SLC26A1: variants seen among roughly 807,000 people sequenced by gnomAD.
The protein encoded by SLC26A1 is solute carrier family 26 member 1.
SLC26A1 carries 18 observed loss-of-function variants against 14.5 expected under a neutral mutation model. The observed-to-expected ratio is 1.24, with a 90% CI of 0.86 to 1.84. SLC26A1 has a LOEUF of 1.84. SLC26A1 is among the 40% of genes most tolerant of loss of function. The pLI is 0.00. For missense variants in SLC26A1, 1,049 were observed against 1,020.0 expected (o/e 1.03, Z -0.39); for synonymous variants, 505 against 492.0 (o/e 1.03, Z -0.35).
chr4:991,815 G>T (rs139770304), intron 1 of SLC26A1, 85 bp from the exon 2 acceptor site: 2 of 1,533,508 alleles, frequency 1.3e-6, no homozygotes. Flanking sequence ...GGGCCCCTTG[G>T]GGCGGACCCC....
intron 2 of SLC26A1, among the ~76,000 whole-genome samples, chr4:982,615 T>G (rs1190456052): frequency 6.6e-6 from 1 of 152,216 alleles, no homozygotes; most frequent in South Asian, 2.1e-4. Flanking sequence ...ACCAGTGGCT[T>G]CTTCCCCACG....
intron 2 of SLC26A1, 71 bp downstream of exon 2, chr4:991,057 C>A: frequency 7.0e-7 from 1 of 1,429,124 alleles, no homozygotes; most frequent in Non-Finnish European, 9.3e-7. Context: ...CCCAGCCTTG[C>A]CCTCGTGGAT....
chr4:983,118 TC>T (rs1713596653), downstream of SLC26A1, among the ~76,000 whole-genome samples: 1 of 152,198 alleles, frequency 6.6e-6, no homozygotes, highest in Non-Finnish European at 1.5e-5. Flanking sequence ...AAATCCTAAT[TC>T]CCCAGAAATA....
In SLC26A1 at chr4:991,636, G is replaced by A; in HGVS notation, c.68C>T (p.Ala23Val). 6.4e-7 allele frequency: 1 copy of A among 1,562,662 alleles called. No individual in the cohort carries two copies. The highest frequency in any genetic ancestry group is 8.6e-7 in the Non-Finnish European group (1 of 1,160,828). ...CAGCATCTCACGCAGACCCCGGGGTGCTGGGCGCTGCCGTCGGACCGGCAC... is the reference window on the plus strand; with the variant it reads ...CAGCATCTCACGCAGACCCCGGGGTACTGGGCGCTGCCGTCGGACCGGCAC... ...GPVPVRRQRPAPRGLREMLKA... is the reference protein window; with the variant it reads ...GPVPVRRQRPVPRGLREMLKA... The change falls in exon 2 of 3, where the codon GCA becomes GTA. Residue 23 changes from alanine (A) to valine (V), a missense_variant. Ala to Val is a moderately conservative substitution (Grantham distance 64). Transcript: ENST00000398516.
At position 988,259 on chromosome 4, in the gene SLC26A1, G is replaced by C; in HGVS notation, c.*574C>G. ...GCTGGCCAGGCTGGGTAGGGCCACT[G>C]CACCTGAGGGCTGAGCTGAGGTCTC... On this transcript the variant is annotated 3_prime_UTR_variant, in exon 3 of 3. Transcript: ENST00000398516. 1 of 1,234,432 alleles carries C rather than the reference G, an allele frequency of 8.1e-7. No homozygotes were observed. The highest frequency in any genetic ancestry group is 1.0e-6 in the Non-Finnish European group (1 of 979,306). The allele number at this position is 1,234,432 out of a possible 1,614,324, so 76.5% of individuals were successfully genotyped here.
At chr4:979,994 C>T (rs1713490224) in intron 2 of SLC26A1, among the ~76,000 whole-genome samples, 1 of 152,196 alleles carries the variant, frequency 6.6e-6, no homozygotes, top group African/African-American at 2.4e-5. Flanking sequence ...TTACATTTCC[C>T]AAGAGAAGGG....
rs1714087116 is a variant in SLC26A1, at chr4:989,687, C to T, written c.1252G>A (p.Val418Ile). 1.9e-6 allele frequency: 3 copies of T among 1,564,746 alleles called. No individual in the cohort carries two copies. The highest frequency in any genetic ancestry group is 2.6e-6 in the Non-Finnish European group (3 of 1,155,440). ...ACCAGCAGCACCACGGTGGCGCTGA[C>T]CACGCTGGACAGCTGTGTCCGGCAG... ...TGCRTQLSSV[V>I]SATVVLLVLL... is the part of the protein sequence containing the mutation. The change falls in exon 3 of 3, where the codon GTC becomes ATC. Residue 418 changes from valine to isoleucine, a missense_variant. Val to Ile is a conservative substitution (Grantham distance 29). Coordinates refer to ENST00000398516, the MANE Select transcript of SLC26A1 (RefSeq NM_022042.4).
At chr4:985,008 T>C (rs1239323204), downstream of SLC26A1, among the ~76,000 whole-genome samples, 7 of 152,268 alleles carry the variant, frequency 4.6e-5, no homozygotes, top group Non-Finnish European at 8.8e-5. Context: ...CCAGGGAAGG[T>C]GTACTTTTCT....
At chr4:980,582 A>G (rs1360345363) in intron 2 of SLC26A1, among the ~76,000 whole-genome samples, 1 of 147,682 alleles carries the variant, frequency 6.8e-6, no homozygotes. Flanking sequence ...GCGAAACTCC[A>G]TCTCAAAAAA....
rs183800311 is a variant in SLC26A1, at chr4:992,055, G to A, written c.-27-325C>T. Reference sequence around the variant, plus strand: ...CTCAGCTCCGGCCTATTGGCTCTGCGGTTCCTGGCTGAAAACCACCCTGTA... The same window carrying A: ...CTCAGCTCCGGCCTATTGGCTCTGCAGTTCCTGGCTGAAAACCACCCTGTA... On this transcript the variant is annotated intron_variant, in intron 1 of 2. Transcript: ENST00000398516. 353 of 562,996 alleles carry A rather than the reference G, an allele frequency of 6.3e-4. 3 individuals carry two copies. The East Asian group carries it at 0.012, about 19-fold the overall frequency. 34.9% of individuals were successfully genotyped at this position (562,996 alleles called of 1,614,324 possible). A position where few individuals can be genotyped will look rare whatever the true frequency, so the allele number is the denominator to read the frequency against.
At position 989,289 on chromosome 4, in the gene SLC26A1, G is replaced by C. The variant is rs534487901; in HGVS notation, c.1650C>G (p.Asn550Lys). The change falls in exon 3 of 3, where the codon AAC (asparagine) becomes AAG (lysine). Residue 550 changes from asparagine (N) to lysine (K), a missense_variant. Physicochemically the swap from Asn to Lys is moderately conservative, Grantham distance 94. Transcript: ENST00000398516. Reference sequence around the variant, plus strand: ...AGAGTGACTGCAGGAAGAAGTCCTTGTTGGCATAGTACAGCGGCCCCCCAA... The same window carrying C: ...AGAGTGACTGCAGGAAGAAGTCCTTCTTGGCATAGTACAGCGGCCCCCCAA... ...FRFGGPLYYA[N>K]KDFFLQSLYS... is the part of the protein sequence containing the mutation. 1.2e-6 allele frequency: 2 copies of C among 1,612,654 alleles called. No homozygotes were observed. Among genetic ancestry groups the C allele is most frequent in the African/African-American group, 1.3e-5 (1 of 75,052 alleles).
chr4:987,387 T>G, downstream of SLC26A1: 1 of 882,094 alleles, frequency 1.1e-6, no homozygotes, highest in Non-Finnish European at 1.6e-6. Flanking sequence ...GCCGTGTTTG[T>G]GGGTGGGTCC....
Position 991,192 on chromosome 4 carries a change from C to T in SLC26A1, c.512G>A (p.Cys171Tyr). Residue 171 changes from cysteine to tyrosine, a missense_variant, in exon 2 of 3, where the codon TGC (cysteine) becomes TAC (tyrosine). Cys to Tyr is a radical substitution (Grantham distance 194). Coordinates refer to ENST00000398516, the MANE Select transcript of SLC26A1 (RefSeq NM_022042.4). ...ACGGATGGCGTAGCAGTCACGCCCG[C>T]AGTCCAGCATGGCAGCCGAGCCGTT... is the stretch of plus-strand genomic sequence containing the variant. The part of the protein sequence containing the change: ...TLNGSAAMLD[C>Y]GRDCYAIRVA... The T allele has an allele frequency of 6.3e-7, 1 of 1,595,608 alleles. No individual in the cohort carries two copies. Among genetic ancestry groups the T allele is most frequent in the Non-Finnish European group, 8.6e-7 (1 of 1,168,918 alleles).
chr4:979,811 C>T (rs944084725), intron 2 of SLC26A1, among the ~76,000 whole-genome samples: 6 of 152,222 alleles, frequency 3.9e-5, no homozygotes, highest in African/African-American at 1.4e-4. Flanking sequence ...TGCAGGTCCA[C>T]CTGTTGGCAG....
chr4:987,887 C>G lies in SLC26A1; in HGVS notation c.*946G>C, dbSNP rs769676234. 2 of 1,610,830 alleles carry G rather than the reference C, an allele frequency of 1.2e-6. No homozygotes were observed. Among genetic ancestry groups the G allele is most frequent in the Admixed American group, 3.3e-5 (2 of 59,802 alleles). On this transcript the variant is annotated 3_prime_UTR_variant, in exon 3 of 3. Transcript: ENST00000398516. The stretch of plus-strand genomic sequence containing the variant: ...AGCTCAACCTCGCCTATGTGGGCGC[C>G]GTCCCTCACCGCGGCATCAAGCAGG...
In SLC26A1 at chr4:988,735, G is replaced by C; in HGVS notation, c.*98C>G. On this transcript the variant is annotated 3_prime_UTR_variant, in exon 3 of 3. Transcript: ENST00000398516. ...GCTGTGGCACAAGAGTGCAGCTCTT[G>C]GGTGGCTCCTCCCTGGGAAGGGTCT... The C allele has an allele frequency of 2.1e-6, 3 of 1,432,554 alleles. No homozygotes were observed. The highest frequency in any genetic ancestry group is 2.7e-6 in the Non-Finnish European group (3 of 1,096,034). The allele number at this position is 1,432,554 out of a possible 1,614,324, so 88.7% of individuals were successfully genotyped here. A position where few individuals can be genotyped will look rare whatever the true frequency, so the allele number is the denominator to read the frequency against.
intron 2 of SLC26A1, 38 bp from the exon 3 acceptor site, chr4:990,400 C>T (rs778445363): frequency 2.7e-5 from 42 of 1,527,364 alleles, no homozygotes; most frequent in Admixed American, 6.1e-5. Context: ...AGGCGCCTGG[C>T]GGGAGCCACC....
intron 2 of SLC26A1, 177 bp downstream of exon 2, chr4:990,951 G>A (rs971737906): frequency 2.7e-5 from 17 of 627,656 alleles, no homozygotes; most frequent in East Asian, 2.1e-4. Flanking sequence ...GCCTCTCCGC[G>A]TCGGTGCCTC....
rs377636525 is a variant in SLC26A1, at chr4:991,389, G to A, written c.315C>T (p.Ser105=). ...GGAAGTAGATGAGGTTGGCGAAGAA[G>A]GACGTATAGAGGCTGTAGATGGGCT... ...GLQPIYSLYT[S]FFANLIYFLM... is the part of the protein sequence containing the mutation. Residue 105 remains serine (S), a synonymous_variant, in exon 2 of 3, where the codon TCC becomes TCT. Transcript: ENST00000398516. The A allele has an allele frequency of 6.2e-7, 1 of 1,612,768 alleles. No individual in the cohort carries two copies.
Sources: gnomAD v4.1 joint callset for allele counts (sites outside exome capture counted in the v4.1 genomes callset) on GRCh38, gnomAD v4.1.1 for gene constraint, MANE v1.5 for transcripts, NCBI Gene and HGNC (gene_info 2026-07-23, HGNC 2026-07-21) for gene names.